Variants in FGF13 observed in about 807,000 individuals in gnomAD.
The protein encoded by FGF13 is fibroblast growth factor homologous factor 2.
Under a neutral mutation model 19.5 loss-of-function variants are expected in FGF13, and 2 were observed. That is an observed-to-expected ratio of 0.10 (90% confidence interval 0.04 to 0.32). The LOEUF is 0.32. Among genes scored for constraint, FGF13 ranks in the 10% least tolerant of loss-of-function variants. The pLI is 1.00. For synonymous variants in FGF13, 72 were observed against 76.9 expected (o/e 0.94, Z 0.33); for missense variants, 113 against 192.7 (o/e 0.59, Z 2.45).
At chrX:138,741,741 T>G (rs903108780), upstream of FGF13, among the ~76,000 whole-genome samples, 2 of 112,022 alleles carry the variant, frequency 1.8e-5, no homozygotes, top group African/African-American at 6.5e-5. Flanking sequence ...TTGGCATACT[T>G]TTAAGAAGTA....
chrX:139,121,948 T>C (rs766820096), intron 1 of FGF13, among the ~76,000 whole-genome samples: 3 of 111,046 alleles, frequency 2.7e-5, no homozygotes, highest in South Asian at 3.8e-4. Context: ...TCGGCTAGTT[T>C]GAATAATTTT....
intron 1 of FGF13, among the ~76,000 whole-genome samples, chrX:139,097,557 A>T (rs1404532743): frequency 8.9e-6 from 1 of 111,900 alleles, no homozygotes. Context: ...GGTGGCAAAA[A>T]AAAAGGGTTA....
chrX:139,142,713 T>C (rs1156951207), intron 1 of FGF13, among the ~76,000 whole-genome samples: 1 of 100,927 alleles, frequency 9.9e-6, no homozygotes. Context: ...TCTCAAAAGT[T>C]GTTGTGAGAA....
chrX:139,118,863 A>G (rs771673495), intron 1 of FGF13, among the ~76,000 whole-genome samples: 11 of 110,636 alleles, frequency 9.9e-5, no homozygotes, highest in Non-Finnish European at 1.9e-4. Context: ...CTCTACAAAA[A>G]TAAAAATAAA....
intron 3 of FGF13, among the ~76,000 whole-genome samples, chrX:138,772,055 T>TATATATAC (rs1445223471): frequency 1.2e-5 from 1 of 81,602 alleles, no homozygotes; most frequent in Non-Finnish European, 2.3e-5. Context: ...TATATATATA[T>TATATATAC]ATAGTAAAAT....
intron 1 of FGF13, among the ~76,000 whole-genome samples, chrX:139,058,709 G>A (rs770617693): frequency 9.0e-6 from 1 of 111,557 alleles, no homozygotes; most frequent in Admixed American, 9.5e-5. Flanking sequence ...TTAGCACAAA[G>A]TTACACATCA....
intron 3 of FGF13, among the ~76,000 whole-genome samples, chrX:138,823,410 C>A (rs997288285): frequency 2.7e-5 from 3 of 110,929 alleles, no homozygotes; most frequent in Non-Finnish European, 5.7e-5. Context: ...TTGGGAAGCC[C>A]GCTGGCAGGA....
At chrX:138,649,537 G>T (rs1229162440) in intron 3 of FGF13, among the ~76,000 whole-genome samples, 1 of 111,747 alleles carries the variant, frequency 8.9e-6, no homozygotes, top group Admixed American at 9.5e-5. Flanking sequence ...AGGGTTGCAT[G>T]CACTCCACAT....
rs747396701 is a variant in FGF13, at chrX:139,041,964, A to G, written c.-113+161452T>C. Among the ~76,000 whole-genome samples, 61 of 112,317 alleles carry G rather than the reference A, an allele frequency of 5.4e-4. 1 individual carries two copies. The highest frequency in any genetic ancestry group is 9.2e-4 in the Non-Finnish European group (49 of 53,323). ...TCTGTCAAAAATACTCAAATTATGT[A>G]TGGTATTTGGTAGCCTGTCATGGAG... On this transcript the variant is annotated intron_variant, in intron 1 of 2. Coordinates refer to the FGF13 transcript ENST00000421460.
At chrX:138,835,237 G>A (rs756591143) in intron 3 of FGF13, among the ~76,000 whole-genome samples, 2 of 111,495 alleles carry the variant, frequency 1.8e-5, no homozygotes, top group South Asian at 3.8e-4. Flanking sequence ...GTGATCTAAT[G>A]TTGTCAGTGG....
Position 139,085,138 on chromosome X carries a change from T to C in FGF13, c.-113+118278A>G, listed in dbSNP as rs1023717243. Reference sequence around the variant, plus strand: ...CGAACACCATGTTGCTTCCTTACTGTTAAATCTTTCCAAGATAACTGGTGC... The same window carrying C: ...CGAACACCATGTTGCTTCCTTACTGCTAAATCTTTCCAAGATAACTGGTGC... On this transcript the variant is annotated intron_variant, in intron 1 of 2. Transcript: ENST00000421460. Among the ~76,000 whole-genome samples the C allele has an allele frequency of 5.4e-5, 6 of 111,977 alleles. No individual in the cohort carries two copies. The Admixed American group carries it at 5.7e-4, about 11-fold the overall frequency.
chrX:138,957,099 C>T (rs925662986), intron 1 of FGF13, among the ~76,000 whole-genome samples: 29 of 111,128 alleles, frequency 2.6e-4, no homozygotes, highest in Middle Eastern at 9.3e-3. Flanking sequence ...GAAAAAAGAG[C>T]GAGAGAAAGA....
In FGF13 at chrX:139,123,827, G is replaced by C. The variant is rs28587002; in HGVS notation, c.-113+79589C>G. Reference sequence around the variant, plus strand: ...GTCCTAAATTAAGGCCCAGTATTATGTGCTGCCTTCGCAGGTGGTAAAATT... The same window carrying C: ...GTCCTAAATTAAGGCCCAGTATTATCTGCTGCCTTCGCAGGTGGTAAAATT... On this transcript the variant is annotated intron_variant, in intron 1 of 2. Transcript: ENST00000421460. Among the ~76,000 whole-genome samples, 646 of 112,475 alleles carry C rather than the reference G, an allele frequency of 5.7e-3. 14 individuals carry two copies. The highest frequency in any genetic ancestry group is 0.02 in the African/African-American group (611 of 30,983).
chrX:138,905,293 T>C (rs2091551872), intron 1 of FGF13, among the ~76,000 whole-genome samples: 1 of 111,849 alleles, frequency 8.9e-6, no homozygotes, highest in African/African-American at 3.3e-5. Flanking sequence ...AAAGGAATAA[T>C]AAAACTATTT....
intron 1 of FGF13, among the ~76,000 whole-genome samples, chrX:138,732,231 T>A (rs915718094): frequency 8.9e-6 from 1 of 111,906 alleles, no homozygotes; most frequent in East Asian, 2.8e-4. Context: ...ATAATTTCAC[T>A]GCTAGGTTTT....
chrX:138,689,270 T>C (rs1195428865), intron 3 of FGF13, among the ~76,000 whole-genome samples: 1 of 112,209 alleles, frequency 8.9e-6, no homozygotes, highest in African/African-American at 3.2e-5. Context: ...TTCTTTACTA[T>C]TATTATCTCT....
At chrX:139,130,000 C>T (rs112383431) in intron 1 of FGF13, among the ~76,000 whole-genome samples, 2,089 of 112,120 alleles carry the variant, frequency 0.019, 19 homozygotes, top group South Asian at 0.066. Context: ...TTTTATGAAG[C>T]GGGGACAGTA....
chrX:139,004,857 G>A (rs2092093659), intron 1 of FGF13, among the ~76,000 whole-genome samples: 1 of 111,975 alleles, frequency 8.9e-6, no homozygotes, highest in Middle Eastern at 4.6e-3. Context: ...GGAAAGCGTG[G>A]GAAGGACCAC....
chrX:139,148,017 A>G (rs2083904741), intron 1 of FGF13, among the ~76,000 whole-genome samples: 1 of 111,626 alleles, frequency 9.0e-6, no homozygotes, highest in South Asian at 3.7e-4. Context: ...CAGTATACAG[A>G]GCATGTGTGA....
Sources: gnomAD v4.1 joint callset for allele counts (sites outside exome capture counted in the v4.1 genomes callset) on GRCh38, gnomAD v4.1.1 for gene constraint, MANE v1.5 for transcripts, NCBI Gene and HGNC (gene_info 2026-07-23, HGNC 2026-07-21) for gene names.